PTPN9: variants seen among roughly 807,000 people sequenced by gnomAD.
PTPN9 encodes tyrosine-protein phosphatase non-receptor type 9.
Under a neutral mutation model 69.8 loss-of-function variants are expected in PTPN9, and 26 were observed. The ratio of observed to expected loss-of-function variants is 0.37; its 90% CI spans 0.27 to 0.52. The LOEUF (loss-of-function observed/expected upper bound fraction) is 0.52, where lower values mean the gene tolerates loss of function less well. Ranked by LOEUF, PTPN9 falls within the 20% of genes least tolerant of loss-of-function variation. PTPN9 has a pLI of 0.91. For missense variants in PTPN9, 549 were observed against 740.3 expected, an observed-to-expected ratio of 0.74 and a Z score of 3.00; for synonymous variants, 274 against 272.5, an observed-to-expected ratio of 1.01 and a Z score of -0.05.
At chr15:75,486,019 G>A (rs753612273) in intron 8 of PTPN9, among the ~76,000 whole-genome samples, 3 of 145,798 alleles carry the variant, frequency 2.1e-5, no homozygotes, top group Non-Finnish European at 3.0e-5. Context: ...AGAATGGCAC[G>A]AACCCGGGAG....
chr15:75,570,505 C>G (rs1463915485), intron 1 of PTPN9, among the ~76,000 whole-genome samples: 2 of 152,196 alleles, frequency 1.3e-5, no homozygotes, highest in Admixed American at 6.5e-5. Context: ...CACAGTGGCT[C>G]ATGCCTGTAA....
chr15:75,577,877 C>T (rs1379856382), intron 1 of PTPN9, among the ~76,000 whole-genome samples: 2 of 152,052 alleles, frequency 1.3e-5, no homozygotes, highest in South Asian at 4.1e-4. Flanking sequence ...CCGTAGGGTT[C>T]CCAGTCTAAG....
intron 5 of PTPN9, among the ~76,000 whole-genome samples, chr15:75,515,983 T>C (rs930850926): frequency 2.6e-5 from 4 of 152,020 alleles, no homozygotes; most frequent in Non-Finnish European, 5.9e-5. Flanking sequence ...AGTATGTTTA[T>C]GGTATTAAAA....
intron 4 of PTPN9, among the ~76,000 whole-genome samples, chr15:75,522,625 C>A (rs1465224734): frequency 1.3e-5 from 2 of 152,000 alleles, no homozygotes; most frequent in Non-Finnish European, 2.9e-5. Context: ...AGGCTGGTCT[C>A]AACTCCTGGC....
Position 75,468,667 on chromosome 15 carries a change from T to G in PTPN9, c.*102A>C, listed in dbSNP as rs910947333. ...TGTGCTGGGAGACACAAGAAAGAAG[T>G]TGATCCATGGCTTCAGCGTAACTGA... is the stretch of plus-strand genomic sequence containing the variant. On this transcript the variant is annotated 3_prime_UTR_variant, in exon 13 of 13. Transcript: ENST00000618819. The G allele has an allele frequency of 3.0e-6, 3 of 1,012,082 alleles. No homozygotes were observed. The highest frequency in any genetic ancestry group is 3.2e-5 in the African/African-American group (2 of 62,330). The allele number at this position is 1,012,082 out of a possible 1,614,324, so 62.7% of individuals were successfully genotyped here.
intron 1 of PTPN9, among the ~76,000 whole-genome samples, chr15:75,527,953 C>T (rs1378245307): frequency 6.6e-6 from 1 of 152,148 alleles, no homozygotes; most frequent in Non-Finnish European, 1.5e-5. Context: ...ATAGCAGTCT[C>T]AGCTGCTGCT....
intron 9 of PTPN9, among the ~76,000 whole-genome samples, chr15:75,477,459 G>A (rs1330641483): frequency 6.6e-6 from 1 of 152,128 alleles, no homozygotes; most frequent in East Asian, 1.9e-4. Context: ...GCCAGGCATG[G>A]TGGCAGGTGC....
At chr15:75,508,078 C>T (rs2074829494) in intron 6 of PTPN9, among the ~76,000 whole-genome samples, 1 of 151,264 alleles carries the variant, frequency 6.6e-6, no homozygotes, top group Admixed American at 6.6e-5. Flanking sequence ...AAGCTCTCTC[C>T]TACTCTGCGT....
chr15:75,474,550 C>G, intron 9 of PTPN9, among the ~76,000 whole-genome samples: 1 of 152,008 alleles, frequency 6.6e-6, no homozygotes, highest in East Asian at 1.9e-4. Flanking sequence ...TATCTTGCAA[C>G]TTTCTTATCT....
intron 1 of PTPN9, among the ~76,000 whole-genome samples, chr15:75,563,012 G>A (rs1470731294): frequency 1.3e-5 from 2 of 151,978 alleles, no homozygotes; most frequent in African/African-American, 4.8e-5. Flanking sequence ...AGGGTTTGGT[G>A]TACAGATTAT....
chr15:75,572,588 G>A (rs2075153015), intron 1 of PTPN9, among the ~76,000 whole-genome samples: 1 of 151,980 alleles, frequency 6.6e-6, no homozygotes, highest in Admixed American at 6.6e-5. Context: ...GATGGTGCAT[G>A]CCTGTAGTCC....
chr15:75,513,912 A>G (rs1373958668), intron 5 of PTPN9, among the ~76,000 whole-genome samples: 4 of 151,732 alleles, frequency 2.6e-5, no homozygotes, highest in African/African-American at 9.7e-5. Context: ...TAGCCTGGCC[A>G]ACATGGCAAA....
rs192192865 is a variant in PTPN9 at position 75,533,550 on chromosome 15, C to T, written c.64-6289G>A. Among the ~76,000 whole-genome samples the T allele has an allele frequency of 1.2e-4, 19 of 152,208 alleles. No homozygotes were observed. The East Asian group carries it at 3.3e-3, about 26-fold the overall frequency. On this transcript the variant is annotated intron_variant, in intron 1 of 12. Coordinates refer to ENST00000618819, the MANE Select transcript of PTPN9 (RefSeq NM_002833.4). ...TGCTGGAATTACAGGCATGAGCCAC[C>T]GTGCCTGGCCTCAAGGGTAAGATTT...
intron 1 of PTPN9, among the ~76,000 whole-genome samples, chr15:75,575,826 G>C (rs1221720318): frequency 6.9e-6 from 1 of 144,854 alleles, no homozygotes; most frequent in African/African-American, 2.6e-5. Context: ...GGCTGAGACA[G>C]AAGAATGGCA....
intron 8 of PTPN9, among the ~76,000 whole-genome samples, chr15:75,482,912 G>A (rs1046792187): frequency 3.0e-4 from 45 of 151,706 alleles, no homozygotes; most frequent in Non-Finnish European, 1.0e-4. Context: ...CTGAGATCGT[G>A]CCACTGCACT....
intron 7 of PTPN9, among the ~76,000 whole-genome samples, chr15:75,494,166 T>C (rs1330252988): frequency 4.7e-5 from 7 of 148,076 alleles, no homozygotes; most frequent in African/African-American, 1.7e-4. Flanking sequence ...AAAATCTATA[T>C]ATTTACATAT....
chr15:75,558,373 G>GCTT (rs2075086583), intron 1 of PTPN9, among the ~76,000 whole-genome samples: 1 of 151,724 alleles, frequency 6.6e-6, no homozygotes, highest in Non-Finnish European at 1.5e-5. Context: ...TGGGCGTGGT[G>GCTT]GCACACGCCT....
At chr15:75,546,410 G>A (rs113253607) in intron 1 of PTPN9, among the ~76,000 whole-genome samples, 4,734 of 152,098 alleles carry the variant, frequency 0.031, 116 homozygotes, top group Non-Finnish European at 0.047. Context: ...TTGGGAGGCC[G>A]AGGCGGGCAG....
chr15:75,486,824 G>T (rs1215784020), intron 8 of PTPN9, among the ~76,000 whole-genome samples: 5 of 112,592 alleles, frequency 4.4e-5, no homozygotes, highest in South Asian at 6.0e-4. Context: ...TTGCTCTGTT[G>T]CCCAGGCTGG....
Sources: allele counts gnomAD v4.1 joint callset (sites outside exome capture counted in the v4.1 genomes callset), GRCh38; gene constraint gnomAD v4.1.1; transcripts MANE v1.5; gene names NCBI Gene and HGNC (gene_info 2026-07-23, HGNC 2026-07-21).